DAGLA: variants seen among roughly 807,000 people sequenced by gnomAD.
The protein encoded by DAGLA is diacylglycerol lipase-alpha.
Under a neutral mutation model 102.6 loss-of-function variants are expected in DAGLA, and 22 were observed. The observed-to-expected ratio is 0.21, with a 90% CI of 0.15 to 0.31. The LOEUF is 0.31. Among genes scored for constraint, DAGLA ranks in the 10% least tolerant of loss-of-function variants. The pLI is 1.00. For missense variants in DAGLA, 927 were observed against 1,446.6 expected (o/e 0.64, Z 5.83); for synonymous variants, 578 against 628.9 (o/e 0.92, Z 1.21).
At position 61,734,733 on chromosome 11, in the gene DAGLA, T is replaced by C; in HGVS notation, c.975-116T>C. ...TCACTAGGACTTAGCAAGGGCAATT[T>C]GGTAGAGGCAGTGGGGCTGAATGCC... On this transcript the variant is annotated intron_variant, in intron 9 of 19. Transcript: ENST00000257215. This position sits in a 1 kb window ranked among gnomAD's most constrained non-coding sequence, Gnocchi z 4.2. The C allele has an allele frequency of 3.0e-6, 3 of 991,018 alleles. No homozygotes were observed. The South Asian group carries it at 4.5e-5, about 15-fold the overall frequency. 61.4% of individuals were successfully genotyped at this position (991,018 alleles called of 1,614,324 possible).
chr11:61,735,968 C>T (rs975742123), intron 12 of DAGLA, 152 bp downstream of exon 12: 27 of 784,066 alleles, frequency 3.4e-5, no homozygotes, highest in African/African-American at 3.1e-4. Flanking sequence ...AGGCCCGTTG[C>T]GGCCCACTGC....
In DAGLA at chr11:61,726,922, GTC is replaced by G. The variant is rs540417232; in HGVS notation, c.636+846_636+847del. 7.2e-5 allele frequency among the ~76,000 whole-genome samples: 11 copies of G among 152,374 alleles called. No homozygotes were observed. In the South Asian group the frequency reaches 1.9e-3, roughly 26 times the overall value. On this transcript the variant is annotated intron_variant, in intron 6 of 19. Transcript: ENST00000257215. The stretch of plus-strand genomic sequence containing the variant: ...TGGTGGGCGGGGAGCACCCCCTTGG[GTC>G]TCTCTGGGGCGGTCTGAGGGGTCTG...
chr11:61,710,437 G>A (rs1325404692), intron 1 of DAGLA, among the ~76,000 whole-genome samples: 1 of 152,152 alleles, frequency 6.6e-6, no homozygotes, highest in African/African-American at 2.4e-5. Flanking sequence ...AAACATGCAA[G>A]CTGATAGATG....
rs1294042506 is a variant in DAGLA, at chr11:61,734,427, C to T, written c.975-422C>T. Among the ~76,000 whole-genome samples the T allele has an allele frequency of 6.6e-6, 1 of 152,016 alleles. No individual in the cohort carries two copies. Among genetic ancestry groups the T allele is most frequent in the Non-Finnish European group, 1.5e-5 (1 of 68,002 alleles). ...TGCTGGCTAGGCCATTGGATGGAAG[C>T]ATCTGGGTGTTGGGGCAGGCCTGGG... is the stretch of plus-strand genomic sequence containing the variant. On this transcript the variant is annotated intron_variant, in intron 9 of 19. Transcript: ENST00000257215. This position sits in a 1 kb window ranked among gnomAD's most constrained non-coding sequence, Gnocchi z 4.2.
rs985685787 is a variant in DAGLA at position 61,743,517 on chromosome 11, C to A, written c.2172-15C>A. 1.3e-5 allele frequency: 20 copies of A among 1,505,298 alleles called. No individual in the cohort carries two copies. The highest frequency in any genetic ancestry group is 1.8e-5 in the Non-Finnish European group (20 of 1,133,626). 93.2% of individuals were successfully genotyped at this position (1,505,298 alleles called of 1,614,324 possible). The stretch of plus-strand genomic sequence containing the variant: ...TTCTGAGTCTTATACCCCCTGCTCT[C>A]CTCTCCCTCTGCAGGAGCAAGTCCC... On this transcript the variant is annotated splice_polypyrimidine_tract_variant and intron_variant, in intron 19 of 19. Coordinates refer to ENST00000257215, the MANE Select transcript of DAGLA (RefSeq NM_006133.3).
chr11:61,734,649 G>A lies in DAGLA; in HGVS notation c.975-200G>A, dbSNP rs1053255923. 1.3e-5 allele frequency among the ~76,000 whole-genome samples: 2 copies of A among 152,182 alleles called. No individual in the cohort carries two copies. ...GGAAGGGCCCACAGGGTCAGGTGCC[G>A]CCAAGAGCTCAGTTAAGAGGAAGGC... On this transcript the variant is annotated intron_variant, in intron 9 of 19. Coordinates refer to ENST00000257215, the MANE Select transcript of DAGLA (RefSeq NM_006133.3). The surrounding 1 kb of genome is among the most constrained non-coding windows in gnomAD (Gnocchi z 4.2).
At position 61,735,641 on chromosome 11, in the gene DAGLA, C is replaced by G. The variant is rs767810279; in HGVS notation, c.1209C>G (p.Pro403=). The stretch of plus-strand genomic sequence containing the variant: ...TCAGTATCCGGGGGACCCTGTCCCC[C>G]AAGGTACGCTGCCCATGGCTCCCAG... The part of the protein sequence containing the change: ...VVISIRGTLS[P]KDALTDLTGD... Residue 403 remains proline (P), a synonymous_variant, in exon 11 of 20, where the codon CCC becomes CCG. Transcript: ENST00000257215. The G allele has an allele frequency of 1.9e-6, 3 of 1,614,018 alleles. No homozygotes were observed. Among genetic ancestry groups the G allele is most frequent in the East Asian group, 4.5e-5 (2 of 44,874 alleles).
rs61076475 is a variant in DAGLA at position 61,688,331 on chromosome 11, A to G, written c.-45+7827A>G. On this transcript the variant is annotated intron_variant, in intron 1 of 19. Coordinates refer to ENST00000257215, the MANE Select transcript of DAGLA (RefSeq NM_006133.3). Reference sequence around the variant, plus strand: ...CTCTGTCTCAAAAAAAAAAAAAAAAAAAGGATTAGGATTGCTCGTACATGA... The same window carrying G: ...CTCTGTCTCAAAAAAAAAAAAAAAAGAAGGATTAGGATTGCTCGTACATGA... Among the ~76,000 whole-genome samples, 655 of 151,864 alleles carry G rather than the reference A, an allele frequency of 4.3e-3. 7 individuals are homozygous for G. The highest frequency in any genetic ancestry group is 0.014 in the African/African-American group (593 of 41,366).
chr11:61,726,276 G>A lies in DAGLA; in HGVS notation c.636+194G>A, dbSNP rs561845862. Among the ~76,000 whole-genome samples, 10 of 152,352 alleles carry A rather than the reference G, an allele frequency of 6.6e-5. No homozygotes were observed. In the East Asian group the frequency reaches 1.9e-3, roughly 29 times the overall value. The stretch of plus-strand genomic sequence containing the variant: ...CACTCGCTCCAGCACGCAGGACCAC[G>A]TCCACTTGCTTTGTCAAGGGAACAG... On this transcript the variant is annotated intron_variant, in intron 6 of 19. Transcript: ENST00000257215.
In DAGLA at chr11:61,737,119, T is replaced by A. The variant is rs1395070316; in HGVS notation, c.1372-63T>A. 8.1e-6 allele frequency: 13 copies of A among 1,604,960 alleles called. 1 individual carries two copies. The South Asian group carries it at 1.4e-4, about 18-fold the overall frequency. On this transcript the variant is annotated intron_variant, in intron 13 of 19. Transcript: ENST00000257215. ...GGGAAGACCCTCTGCCTCCCTTGGG[T>A]TGGCTAAGACAGTCGCTTGGCGGGC...
chr11:61,707,710 G>A (rs2065160995), intron 1 of DAGLA, among the ~76,000 whole-genome samples: 1 of 152,252 alleles, frequency 6.6e-6, no homozygotes, highest in African/African-American at 2.4e-5. Context: ...GGGGCGGAGT[G>A]CCCAAAGCAA....
At chr11:61,704,976 T>G (rs1834564157) in intron 1 of DAGLA, among the ~76,000 whole-genome samples, 2 of 152,098 alleles carry the variant, frequency 1.3e-5, no homozygotes, top group African/African-American at 4.8e-5. Context: ...ACTCCTGGAC[T>G]GACATCCTGA....
chr11:61,737,620 C>T (rs1482596361), intron 14 of DAGLA, 67 bp from the exon 15 acceptor site: 3 of 1,452,318 alleles, frequency 2.1e-6, no homozygotes, highest in African/African-American at 2.8e-5. Flanking sequence ...GTGGCTGGGC[C>T]CCCCGATTCC....
chr11:61,728,131 C>T (rs780919118), intron 6 of DAGLA, 22 bp from the exon 7 acceptor site: 4 of 1,613,516 alleles, frequency 2.5e-6, no homozygotes, highest in Non-Finnish European at 3.4e-6. Flanking sequence ...GCCACTGCCT[C>T]CTGCCTTCCT....
intron 1 of DAGLA, among the ~76,000 whole-genome samples, chr11:61,705,696 A>G (rs928108009): frequency 1.3e-5 from 2 of 152,152 alleles, no homozygotes; most frequent in African/African-American, 4.8e-5. Flanking sequence ...TTTTGTCACC[A>G]TCCACCCAAT....
chr11:61,706,291 A>G (rs2065148646), intron 1 of DAGLA, among the ~76,000 whole-genome samples: 3 of 152,178 alleles, frequency 2.0e-5, no homozygotes, highest in Admixed American at 6.5e-5. Context: ...GGCATGGAGG[A>G]GAATGAATGG....
At chr11:61,736,539 C>T (rs925061672) in intron 13 of DAGLA, among the ~76,000 whole-genome samples, 189 bp downstream of exon 13, 5 of 152,240 alleles carry the variant, frequency 3.3e-5, no homozygotes, top group Admixed American at 6.5e-5. Flanking sequence ...CATCCTGCTC[C>T]GCCCCACCTA....
chr11:61,720,980 C>T, intron 3 of DAGLA, 90 bp downstream of exon 3: 1 of 1,290,788 alleles, frequency 7.7e-7, no homozygotes, highest in South Asian at 1.3e-5. Flanking sequence ...TGTTGCGAGC[C>T]AGGCCCTGTT....
In DAGLA at chr11:61,735,542, C is replaced by T. The variant is rs756537399; in HGVS notation, c.1129-19C>T. The T allele has an allele frequency of 3.1e-6, 5 of 1,611,984 alleles. No homozygotes were observed. Among genetic ancestry groups the T allele is most frequent in the African/African-American group, 1.3e-5 (1 of 74,886 alleles). On this transcript the variant is annotated intron_variant, in intron 10 of 19. Coordinates refer to ENST00000257215, the MANE Select transcript of DAGLA (RefSeq NM_006133.3). ...GCCCCACCAGGGCCGCTCAGGCTCACGAGCTGCCCGCCTCCTAGGTCTATG... is the reference window on the plus strand; with the variant it reads ...GCCCCACCAGGGCCGCTCAGGCTCATGAGCTGCCCGCCTCCTAGGTCTATG...
Sources: allele counts gnomAD v4.1 joint callset (sites outside exome capture counted in the v4.1 genomes callset), GRCh38; gene constraint gnomAD v4.1.1; non-coding constraint Gnocchi (gnomAD v3.1); transcripts MANE v1.5; gene names NCBI Gene and HGNC (gene_info 2026-07-23, HGNC 2026-07-21).